Variants in ERP29 observed in about 807,000 individuals in gnomAD.
ERP29 encodes endoplasmic reticulum resident protein 29.
Under a neutral mutation model 21.7 loss-of-function variants are expected in ERP29, and 14 were observed. That is an observed-to-expected ratio of 0.64 (90% confidence interval 0.43 to 1.01). The LOEUF (loss-of-function observed/expected upper bound fraction) is 1.01, where lower values mean the gene tolerates loss of function less well. ERP29 is among the 50% of genes least tolerant of loss of function. The probability of loss-of-function intolerance (pLI) is 0.00; values close to 1 mark genes in which losing one functional copy is unlikely to be tolerated. For synonymous variants in ERP29, 129 were observed against 139.1 expected (o/e 0.93, Z 0.51); for missense variants, 286 against 327.3 (o/e 0.87, Z 0.97).
rs1433703520 is a variant in ERP29, at chr12:112,023,243, T to C, written c.*591T>C. On this transcript the variant is annotated 3_prime_UTR_variant, in exon 3 of 3. Coordinates refer to ENST00000261735, the MANE Select transcript of ERP29 (RefSeq NM_006817.4). ...TATTGATGAATATATTGAACCAACA[T>C]TGATGGACCATGGTGTAATTATTTT... 1 of 152,268 alleles carries C rather than the reference T, an allele frequency of 6.6e-6. No individual in the cohort carries two copies. Among genetic ancestry groups the C allele is most frequent in the Non-Finnish European group, 1.5e-5 (1 of 68,074 alleles). The allele number at this position is 152,268 out of a possible 1,614,324, so 9.4% of individuals were successfully genotyped here. A position where few individuals can be genotyped will look rare whatever the true frequency, so the allele number is the denominator to read the frequency against.
At chr12:112,021,002 G>A (rs908854225) in intron 2 of ERP29, among the ~76,000 whole-genome samples, 5 of 152,224 alleles carry the variant, frequency 3.3e-5, no homozygotes, top group African/African-American at 9.6e-5. Flanking sequence ...TCGGCAAAGT[G>A]TAAGAAACCA....
At chr12:112,014,000 G>T (rs2077971624) in intron 1 of ERP29, among the ~76,000 whole-genome samples, 1 of 152,246 alleles carries the variant, frequency 6.6e-6, no homozygotes, top group South Asian at 2.1e-4. Flanking sequence ...GGCTGTGGAA[G>T]CTGGGAGGGG....
At chr12:112,022,075 C>A in intron 2 of ERP29, 75 bp from the exon 3 acceptor site, 3 of 1,471,890 alleles carry the variant, frequency 2.0e-6, no homozygotes, top group Non-Finnish European at 2.8e-6. Context: ...TCCCTCAGTT[C>A]AGCTAGGTCC....
intron 1 of ERP29, among the ~76,000 whole-genome samples, chr12:112,016,649 G>A (rs1238039270): frequency 2.6e-5 from 4 of 152,160 alleles, no homozygotes; most frequent in African/African-American, 7.2e-5. Context: ...AGACCACTTC[G>A]GGAGGCCGAG....
intron 1 of ERP29, chr12:112,019,550 G>A: frequency 1.6e-6 from 1 of 625,570 alleles, no homozygotes; most frequent in South Asian, 1.7e-5. Flanking sequence ...GTGTGAACAG[G>A]TACTAATGGG....
rs1191819541 is a variant in ERP29, at chr12:112,022,376, G to A, written c.510G>A (p.Arg170=). The change falls in exon 3 of 3, where the codon AGG becomes AGA. Residue 170 remains arginine (R), a synonymous_variant. Transcript: ENST00000261735. ...ACGCCCTGGCCGGGGAGTTCATCAG[G>A]GCCTCTGGTGTGGAGGCCCGCCAGG... is the stretch of plus-strand genomic sequence containing the variant. ...VYDALAGEFI[R]ASGVEARQAL... 1.3e-5 allele frequency: 21 copies of A among 1,614,020 alleles called. No individual in the cohort carries two copies. Among genetic ancestry groups the A allele is most frequent in the Non-Finnish European group, 1.8e-5 (21 of 1,180,026 alleles).
chr12:112,022,454 G>A lies in ERP29; in HGVS notation c.588G>A (p.Lys196=). 1 of 1,614,218 alleles carries A rather than the reference G, an allele frequency of 6.2e-7. No individual in the cohort carries two copies. The highest frequency in any genetic ancestry group is 8.5e-7 in the Non-Finnish European group (1 of 1,180,026). The stretch of plus-strand genomic sequence containing the variant: ...TCTCAAGTGTGAAGGAGACTCAGAA[G>A]AAGTGGGCCGAGCAATACCTGAAGA... ...DNLSSVKETQ[K]KWAEQYLKIM... Residue 196 remains lysine, a synonymous_variant, in exon 3 of 3, where the codon AAG becomes AAA. Coordinates refer to ENST00000261735, the MANE Select transcript of ERP29 (RefSeq NM_006817.4).
chr12:112,021,346 CT>C (rs2078043957), intron 2 of ERP29, among the ~76,000 whole-genome samples: 1 of 152,134 alleles, frequency 6.6e-6, no homozygotes, highest in Non-Finnish European at 1.5e-5. Flanking sequence ...CATTCAGGTC[CT>C]TTAGCTGATG....
rs1318416259 is a variant in ERP29, at chr12:112,022,486, G to A, written c.620G>A (p.Gly207Glu). The change falls in exon 3 of 3, where the codon GGG becomes GAG. Residue 207 changes from glycine to glutamate, a missense_variant. Coordinates refer to ENST00000261735, the MANE Select transcript of ERP29 (RefSeq NM_006817.4). ...GCCGAGCAATACCTGAAGATCATGGGGAAGATCTTAGACCAAGGGGAGGAC... is the reference window on the plus strand; with the variant it reads ...GCCGAGCAATACCTGAAGATCATGGAGAAGATCTTAGACCAAGGGGAGGAC... Reference protein sequence around the residue: ...KWAEQYLKIMGKILDQGEDFP... With the variant: ...KWAEQYLKIMEKILDQGEDFP... 1 of 1,614,064 alleles carries A rather than the reference G, an allele frequency of 6.2e-7. No homozygotes were observed. The highest frequency in any genetic ancestry group is 8.5e-7 in the Non-Finnish European group (1 of 1,179,936).
rs949858576 is a variant in ERP29 at position 112,022,970 on chromosome 12, T to G, written c.*318T>G. 1.2e-5 allele frequency: 3 copies of G among 248,472 alleles called. No homozygotes were observed. Among genetic ancestry groups the G allele is most frequent in the Non-Finnish European group, 2.3e-5 (3 of 130,014 alleles). 15.4% of individuals were successfully genotyped at this position (248,472 alleles called of 1,614,324 possible). On this transcript the variant is annotated 3_prime_UTR_variant, in exon 3 of 3. Coordinates refer to ENST00000261735, the MANE Select transcript of ERP29 (RefSeq NM_006817.4). ...ATGTAATTCTCATTCAATTAAAGTT[T>G]CAGTGTTTTGGTTAAGTGGACCTGA...
Position 112,022,487 on chromosome 12 carries a change from G to C in ERP29, c.621G>C (p.Gly207=). 6.2e-7 allele frequency: 1 copy of C among 1,614,118 alleles called. No homozygotes were observed. Residue 207 remains glycine (G), a synonymous_variant, in exon 3 of 3, where the codon GGG becomes GGC. Transcript: ENST00000261735. The part of the protein sequence containing the change: ...KWAEQYLKIM[G]KILDQGEDFP... ...CCGAGCAATACCTGAAGATCATGGGGAAGATCTTAGACCAAGGGGAGGACT... is the reference window on the plus strand; with the variant it reads ...CCGAGCAATACCTGAAGATCATGGGCAAGATCTTAGACCAAGGGGAGGACT...
chr12:112,015,552 C>T (rs1252195817), intron 1 of ERP29, among the ~76,000 whole-genome samples: 2 of 152,014 alleles, frequency 1.3e-5, no homozygotes, highest in Admixed American at 6.6e-5. Context: ...ACACACCCTA[C>T]AGCACCCTAT....
At position 112,022,215 on chromosome 12, in the gene ERP29, G is replaced by A. The variant is rs1348261147; in HGVS notation, c.349G>A (p.Val117Ile). The A allele has an allele frequency of 6.2e-6, 10 of 1,614,050 alleles. No individual in the cohort carries two copies. In the African/African-American group the frequency reaches 1.2e-4, roughly 19 times the overall value. ...KYKLDKESYPVFYLFRDGDFE... is the reference protein window; with the variant it reads ...KYKLDKESYPIFYLFRDGDFE... Reference sequence around the variant, plus strand: ...CAAGCTGGACAAAGAGAGCTACCCAGTCTTCTACCTCTTCCGGGATGGGGA... The same window carrying A: ...CAAGCTGGACAAAGAGAGCTACCCAATCTTCTACCTCTTCCGGGATGGGGA... Residue 117 changes from valine (V) to isoleucine (I), a missense_variant, in exon 3 of 3, where the codon GTC becomes ATC. Physicochemically the swap from Val to Ile is conservative, Grantham distance 29. Coordinates refer to ENST00000261735, the MANE Select transcript of ERP29 (RefSeq NM_006817.4).
At chr12:112,020,076 T>C (rs537804791) in intron 2 of ERP29, among the ~76,000 whole-genome samples, 182 bp downstream of exon 2, 1 of 152,226 alleles carries the variant, frequency 6.6e-6, no homozygotes, top group Non-Finnish European at 1.5e-5. Context: ...TGAGCAGATT[T>C]TGGGACCATG....
chr12:112,015,133 A>C (rs572592329), intron 1 of ERP29: 1 of 147,722 alleles, frequency 6.8e-6, no homozygotes, highest in South Asian at 2.2e-4. Context: ...GCGGTGAGCC[A>C]AGATCACGCC....
chr12:112,019,966 A>G, intron 2 of ERP29, 72 bp downstream of exon 2: 1 of 1,557,586 alleles, frequency 6.4e-7, no homozygotes, highest in South Asian at 1.1e-5. Flanking sequence ...TACTTGGAAC[A>G]GGAATACCCA....
At chr12:112,015,567 TG>T (rs1323048031) in intron 1 of ERP29, among the ~76,000 whole-genome samples, 1 of 152,046 alleles carries the variant, frequency 6.6e-6, no homozygotes, top group Non-Finnish European at 1.5e-5. Context: ...CCCTATGCTT[TG>T]GGGGCCTTTA....
At chr12:112,013,813 G>A (rs1389089970) in intron 1 of ERP29, among the ~76,000 whole-genome samples, 1 of 152,248 alleles carries the variant, frequency 6.6e-6, no homozygotes, top group African/African-American at 2.4e-5. Flanking sequence ...GGGCCCCGGC[G>A]CACCCTTGCT....
intron 1 of ERP29, among the ~76,000 whole-genome samples, chr12:112,015,949 T>C (rs2136776625): frequency 6.6e-6 from 1 of 152,368 alleles, no homozygotes; most frequent in African/African-American, 2.4e-5. Context: ...CTTCTCATCA[T>C]TCGGGCTTAG....
Sources: gnomAD v4.1 joint callset for allele counts (sites outside exome capture counted in the v4.1 genomes callset) on GRCh38, gnomAD v4.1.1 for gene constraint, MANE v1.5 for transcripts, NCBI Gene and HGNC (gene_info 2026-07-23, HGNC 2026-07-21) for gene names.